Variants in TMEM184B observed in about 807,000 individuals in gnomAD.
TMEM184B encodes transmembrane protein 184B.
In TMEM184B, 17 loss-of-function variants were observed where a neutral mutation model predicts 41.8. The ratio of observed to expected loss-of-function variants is 0.41; its 90% CI spans 0.28 to 0.61. The LOEUF is 0.61. TMEM184B is among the 20% of genes least tolerant of loss of function. The pLI is 0.34. For missense variants in TMEM184B, 393 were observed against 557.8 expected (o/e 0.70, Z 2.98); for synonymous variants, 240 against 229.5 (o/e 1.05, Z -0.41).
chr22:38,230,688 A>C lies in TMEM184B; in HGVS notation c.506T>G (p.Phe169Cys). The change falls in exon 5 of 9, where the codon TTT becomes TGT. Residue 169 changes from phenylalanine (F) to cysteine (C), a missense_variant. This residue lies in a region of TMEM184B where 271 missense variants were observed against 434.1 expected (regional missense o/e 0.62). Coordinates refer to ENST00000361906, the MANE Select transcript of TMEM184B (RefSeq NM_012264.5). ...CLWGKTYSIG[F>C]LRFCKQATLQ... ...ACACACCTGTTTGCAGAACCTCAGA[A>C]ATCCGATGGAATAAGTCTTTCCCCA... 1 of 1,611,994 alleles carries C rather than the reference A, an allele frequency of 6.2e-7. No homozygotes were observed. The highest frequency in any genetic ancestry group is 8.5e-7 in the Non-Finnish European group (1 of 1,179,236).
chr22:38,255,554 C>T (rs1015953064), intron 1 of TMEM184B, among the ~76,000 whole-genome samples: 6 of 152,152 alleles, frequency 3.9e-5, no homozygotes, highest in Non-Finnish European at 7.4e-5. Flanking sequence ...GGAATGAAAA[C>T]GTATATTCAC....
At position 38,231,944 on chromosome 22, in the gene TMEM184B, G is replaced by A. The variant is rs966700501; in HGVS notation, c.359-610C>T. 3.2e-5 allele frequency: 6 copies of A among 188,588 alleles called. No individual in the cohort carries two copies. The East Asian group carries it at 5.0e-4, about 16-fold the overall frequency. The allele number at this position is 188,588 out of a possible 1,614,324, so 11.7% of individuals were successfully genotyped here. A position where few individuals can be genotyped will look rare whatever the true frequency, so the allele number is the denominator to read the frequency against. On this transcript the variant is annotated intron_variant, in intron 3 of 8. Coordinates refer to ENST00000361906, the MANE Select transcript of TMEM184B (RefSeq NM_012264.5). ...GCAAGTCAAACTCCAGAGTGGGATC[G>A]CACCTCTGAACAGCCACTGCACTCC... is the stretch of plus-strand genomic sequence containing the variant.
At chr22:38,255,676 A>G (rs2145737540) in intron 1 of TMEM184B, among the ~76,000 whole-genome samples, 1 of 152,362 alleles carries the variant, frequency 6.6e-6, no homozygotes, top group South Asian at 2.1e-4. Flanking sequence ...TATCCAGACC[A>G]TGGAATAGTA....
At chr22:38,233,108 G>A (rs1184296678) in intron 3 of TMEM184B, among the ~76,000 whole-genome samples, 1 of 152,202 alleles carries the variant, frequency 6.6e-6, no homozygotes, top group Non-Finnish European at 1.5e-5. Context: ...GGAAAGCCCT[G>A]GTGATGTTTT....
chr22:38,234,028 C>CA (rs35294578), intron 3 of TMEM184B, among the ~76,000 whole-genome samples: 69,604 of 151,870 alleles, frequency 0.46, 16,130 homozygotes, highest in South Asian at 0.56. Context: ...CTCGGCCTCC[C>CA]AAAGTGCTGA....
At chr22:38,266,849 C>T (rs915316446) in intron 1 of TMEM184B, among the ~76,000 whole-genome samples, 1 of 151,284 alleles carries the variant, frequency 6.6e-6, no homozygotes, top group Non-Finnish European at 1.5e-5. Context: ...TTTGGGAGGC[C>T]GAGGCGGGTG....
At chr22:38,241,132 G>A (rs574425132) in intron 3 of TMEM184B, among the ~76,000 whole-genome samples, 1 of 152,270 alleles carries the variant, frequency 6.6e-6, no homozygotes, top group African/African-American at 2.4e-5. Context: ...CTGAGCAGCG[G>A]GAGCCTGGAA....
At chr22:38,255,981 T>C (rs939505909) in intron 1 of TMEM184B, among the ~76,000 whole-genome samples, 1 of 152,054 alleles carries the variant, frequency 6.6e-6, no homozygotes, top group Non-Finnish European at 1.5e-5. Flanking sequence ...AATCTACATG[T>C]GATAAAATTG....
chr22:38,252,565 G>A (rs2092190714), intron 1 of TMEM184B, among the ~76,000 whole-genome samples: 2 of 152,158 alleles, frequency 1.3e-5, no homozygotes, highest in Middle Eastern at 3.4e-3. Flanking sequence ...GAGTGACCTG[G>A]AGGCCTCTTC....
chr22:38,252,770 T>C (rs1041768045), intron 1 of TMEM184B, among the ~76,000 whole-genome samples: 2 of 152,186 alleles, frequency 1.3e-5, no homozygotes, highest in African/African-American at 4.8e-5. Context: ...TCTCGGAGCC[T>C]CAGTTTCTTC....
At chr22:38,236,113 G>T (rs2091767227) in intron 3 of TMEM184B, among the ~76,000 whole-genome samples, 1 of 152,216 alleles carries the variant, frequency 6.6e-6, no homozygotes, top group Non-Finnish European at 1.5e-5. Context: ...GGACAATCAG[G>T]CTGTGTCTTC....
chr22:38,257,321 T>G (rs917838497), intron 1 of TMEM184B, among the ~76,000 whole-genome samples: 1 of 152,160 alleles, frequency 6.6e-6, no homozygotes, highest in Non-Finnish European at 1.5e-5. Flanking sequence ...AAAAACGTGA[T>G]TGGCATCAGG....
At position 38,225,609 on chromosome 22, in the gene TMEM184B, C is replaced by T; in HGVS notation, c.618-16G>A. On this transcript the variant is annotated splice_polypyrimidine_tract_variant and intron_variant, in intron 6 of 8. Coordinates refer to ENST00000361906, the MANE Select transcript of TMEM184B (RefSeq NM_012264.5). This position sits in a 1 kb window ranked among gnomAD's most constrained non-coding sequence, Gnocchi z 4.4. ...ACTGGTGACGCTGCGGGACGGGGAG[C>T]ATTTTCTGGCTGGGACAGACCCTTG... 6.3e-7 allele frequency: 1 copy of T among 1,599,990 alleles called. No homozygotes were observed. The highest frequency in any genetic ancestry group is 8.5e-7 in the Non-Finnish European group (1 of 1,174,752).
intron 1 of TMEM184B, among the ~76,000 whole-genome samples, chr22:38,263,258 A>T (rs1489286410): frequency 1.3e-5 from 2 of 152,192 alleles, no homozygotes; most frequent in African/African-American, 2.4e-5. Flanking sequence ...CAAAAGGTAC[A>T]TGGGATCTCC....
chr22:38,246,136 C>T (rs2092024897), intron 2 of TMEM184B, 36 bp from the exon 3 acceptor site: 1 of 1,597,122 alleles, frequency 6.3e-7, no homozygotes. Context: ...TGGGGACCCT[C>T]CTGTCCACAG....
chr22:38,272,507 GC>G, intron 1 of TMEM184B: 2 of 985,560 alleles, frequency 2.0e-6, no homozygotes, highest in South Asian at 9.4e-5. Context: ...ACTCGGCCGT[GC>G]CAGTCGCCAG....
chr22:38,246,845 C>T, intron 2 of TMEM184B: 4 of 1,302,560 alleles, frequency 3.1e-6, no homozygotes, highest in Non-Finnish European at 4.0e-6. Flanking sequence ...TGTCTCGTCC[C>T]AGCTCTCATG....
In TMEM184B at chr22:38,220,409, G is replaced by C. The variant is rs1285638896; in HGVS notation, c.*1060C>G. 1 of 985,918 alleles carries C rather than the reference G, an allele frequency of 1.0e-6. No individual in the cohort carries two copies. Among genetic ancestry groups the C allele is most frequent in the Non-Finnish European group, 1.2e-6 (1 of 830,074 alleles). The allele number at this position is 985,918 out of a possible 1,614,324, so 61.1% of individuals were successfully genotyped here. ...CACAGAAGAGATGGGCCAGGGGCCA[G>C]ATGGGGTAGAACACCAGGCCCTGTG... is the stretch of plus-strand genomic sequence containing the variant. On this transcript the variant is annotated 3_prime_UTR_variant, in exon 9 of 9. Transcript: ENST00000361906.
intron 1 of TMEM184B, among the ~76,000 whole-genome samples, chr22:38,268,821 C>T (rs945791373): frequency 2.0e-5 from 3 of 152,266 alleles, no homozygotes; most frequent in African/African-American, 7.2e-5. Flanking sequence ...TGTCTGATTT[C>T]TCTCTCCCCA....
Sources: allele counts gnomAD v4.1 joint callset (sites outside exome capture counted in the v4.1 genomes callset), GRCh38; gene constraint gnomAD v4.1.1; regional missense constraint gnomAD v4.1.1; non-coding constraint Gnocchi (gnomAD v3.1); transcripts MANE v1.5; gene names NCBI Gene and HGNC (gene_info 2026-07-23, HGNC 2026-07-21).